LNP1: variants seen among roughly 807,000 people sequenced by gnomAD.
LNP1 encodes leukemia NUP98 fusion partner 1.
In LNP1, 12 loss-of-function variants were observed where a neutral mutation model predicts 14.5. The observed-to-expected ratio is 0.83, with a 90% confidence interval of 0.53 to 1.34. The LOEUF is 1.34. Among genes scored for constraint, LNP1 ranks in the 40% most tolerant of loss-of-function variants. The pLI is 0.00. For synonymous variants in LNP1, 75 were observed against 71.4 expected, an observed-to-expected ratio of 1.05 and a Z score of -0.26; for missense variants, 198 against 210.9, an observed-to-expected ratio of 0.94 and a Z score of 0.38.
chr3:100,409,963 C>A (rs1036149281), intron 1 of LNP1, among the ~76,000 whole-genome samples: 7 of 145,772 alleles, frequency 4.8e-5, no homozygotes, highest in African/African-American at 1.7e-4. Context: ...TTACATCTAT[C>A]TATCTATCTA....
At chr3:100,420,667 T>A (rs1707135418) in intron 1 of LNP1, among the ~76,000 whole-genome samples, 1 of 152,148 alleles carries the variant, frequency 6.6e-6, no homozygotes, top group Non-Finnish European at 1.5e-5. Context: ...ATTTGAAAGT[T>A]TTTTAAAAAA....
In LNP1 at chr3:100,455,929, C is replaced by T. The variant is rs201015821; in HGVS notation, c.*3C>T. ...TGTTTGAAAAAGGGCCTGAATAATA[C>T]TCTGCTTCTGCCTCATGACATCAGA... On this transcript the variant is annotated 3_prime_UTR_variant, in exon 4 of 4. Coordinates refer to ENST00000383693, the MANE Select transcript of LNP1 (RefSeq NM_001085451.2). The T allele has an allele frequency of 1.7e-5, 27 of 1,606,302 alleles. No homozygotes were observed. The highest frequency in any genetic ancestry group is 2.0e-5 in the Non-Finnish European group (24 of 1,178,046).
At chr3:100,449,737 A>C (rs759931924) in intron 2 of LNP1, among the ~76,000 whole-genome samples, 7 of 152,198 alleles carry the variant, frequency 4.6e-5, no homozygotes, top group Non-Finnish European at 7.3e-5. Context: ...CACATCTTGA[A>C]TGTTAGCTTT....
rs78525017 is a variant in LNP1, at chr3:100,424,461, A to C, written c.-33-5236A>C. ...AGTGGAGTTACAAAGTACACACCTA[A>C]TTCCTCCAGCAATGCTTTGTGGCCA... is the stretch of plus-strand genomic sequence containing the variant. On this transcript the variant is annotated intron_variant, in intron 1 of 3. Coordinates refer to ENST00000383693, the MANE Select transcript of LNP1 (RefSeq NM_001085451.2). 4.7e-3 allele frequency among the ~76,000 whole-genome samples: 722 copies of C among 152,286 alleles called. 5 individuals are homozygous for C. The highest frequency in any genetic ancestry group is 0.016 in the African/African-American group (647 of 41,566).
chr3:100,455,734 G>T, intron 3 of LNP1, 43 bp from the exon 4 acceptor site: 1 of 1,599,422 alleles, frequency 6.3e-7, no homozygotes, highest in South Asian at 1.1e-5. Context: ...AGTGTTGTCA[G>T]CTGCTTGTGC....
chr3:100,456,156 T>G lies in LNP1; in HGVS notation c.*230T>G, dbSNP rs1424869775. 2.4e-6 allele frequency: 1 copy of G among 418,754 alleles called. No homozygotes were observed. The highest frequency in any genetic ancestry group is 4.0e-5 in the East Asian group (1 of 25,236). 25.9% of individuals were successfully genotyped at this position (418,754 alleles called of 1,614,324 possible). A position where few individuals can be genotyped will look rare whatever the true frequency, so the allele number is the denominator to read the frequency against. On this transcript the variant is annotated 3_prime_UTR_variant, in exon 4 of 4. Transcript: ENST00000383693. The stretch of plus-strand genomic sequence containing the variant: ...ATCTTAGTTGAGAGTATAATCTGCT[T>G]GGTTGCCTTTTTATGGGAATAAAGA...
At chr3:100,420,300 G>GCCTT (rs554541539) in intron 1 of LNP1, among the ~76,000 whole-genome samples, 99 of 151,940 alleles carry the variant, frequency 6.5e-4, no homozygotes, top group African/African-American at 1.4e-3. Context: ...TTGCCTGCCT[G>GCCTT]CCTTCCTTCC....
In LNP1 at chr3:100,422,431, C is replaced by T. The variant is rs139139180; in HGVS notation, c.-33-7266C>T. On this transcript the variant is annotated intron_variant, in intron 1 of 3. Coordinates refer to ENST00000383693, the MANE Select transcript of LNP1 (RefSeq NM_001085451.2). ...ATCTCCTGACCTTGTGATCCGCCTG[C>T]CTCAGCCTCCCAAAAAGTTTTTTAC... 2.2e-3 allele frequency among the ~76,000 whole-genome samples: 337 copies of T among 152,162 alleles called. 3 individuals carry two copies. The highest frequency in any genetic ancestry group is 7.8e-3 in the African/African-American group (322 of 41,496).
intron 1 of LNP1, among the ~76,000 whole-genome samples, chr3:100,410,122 A>G (rs989535834): frequency 6.6e-6 from 1 of 152,060 alleles, no homozygotes; most frequent in Non-Finnish European, 1.5e-5. Flanking sequence ...TTAGCTTTGG[A>G]ACTGATTGAT....
intron 1 of LNP1, among the ~76,000 whole-genome samples, chr3:100,403,664 C>T (rs972436291): frequency 6.6e-6 from 1 of 152,170 alleles, no homozygotes; most frequent in Non-Finnish European, 1.5e-5. Context: ...GTCTTGAACT[C>T]CTGACCTCAG....
Position 100,409,607 on chromosome 3 carries a change from T to TATA in LNP1, c.-34+7168_-34+7169insATA, listed in dbSNP as rs199660524. Among the ~76,000 whole-genome samples the TATA allele has an allele frequency of 2.2e-3, 110 of 49,786 alleles. 1 individual carries two copies. Among genetic ancestry groups the TATA allele is most frequent in the South Asian group, 0.02 (27 of 1,376 alleles). 32.7% of individuals were successfully genotyped at this position (49,786 alleles called of 152,430 possible). ...ACACACACACATATATATATATATATTTTTTTTTTTTTTGAGTCTCACTCT... is the reference window on the plus strand; with the variant it reads ...ACACACACACATATATATATATATATATATTTTTTTTTTTTTGAGTCTCACTCT... On this transcript the variant is annotated intron_variant, in intron 1 of 3. Transcript: ENST00000383693.
chr3:100,409,227 C>T (rs1473111262), intron 1 of LNP1, among the ~76,000 whole-genome samples: 2 of 152,180 alleles, frequency 1.3e-5, no homozygotes, highest in Admixed American at 1.3e-4. Context: ...TGCCTTTGGA[C>T]TTGAACTGAA....
intron 2 of LNP1, among the ~76,000 whole-genome samples, chr3:100,435,663 G>C (rs1023588209): frequency 1.3e-5 from 2 of 152,152 alleles, no homozygotes; most frequent in African/African-American, 4.8e-5. Context: ...CAAAGGAGGA[G>C]GGGTAGGGGG....
At chr3:100,416,453 G>A (rs1175652856) in intron 1 of LNP1, among the ~76,000 whole-genome samples, 2 of 151,860 alleles carry the variant, frequency 1.3e-5, no homozygotes, top group African/African-American at 4.8e-5. Flanking sequence ...TTAATCTTTT[G>A]TTGCTGCTGC....
At chr3:100,429,281 T>A (rs1165659534) in intron 1 of LNP1, among the ~76,000 whole-genome samples, 15 of 152,184 alleles carry the variant, frequency 9.9e-5, no homozygotes, top group Non-Finnish European at 7.3e-5. Context: ...TCCTTGTATG[T>A]GGCCCCATTT....
chr3:100,436,522 C>T (rs1011579821), intron 2 of LNP1, among the ~76,000 whole-genome samples: 5 of 152,140 alleles, frequency 3.3e-5, no homozygotes, highest in Admixed American at 2.6e-4. Context: ...TGCATCTCCT[C>T]CTCCTCCTCT....
intron 2 of LNP1, 26 bp downstream of exon 2, chr3:100,429,911 G>A (rs1707227406): frequency 6.2e-7 from 1 of 1,603,358 alleles, no homozygotes; most frequent in Non-Finnish European, 8.5e-7. Context: ...GGAACCGGAG[G>A]GGAGAGCTGG....
chr3:100,438,073 A>C (rs552116839), intron 2 of LNP1, among the ~76,000 whole-genome samples: 12 of 152,304 alleles, frequency 7.9e-5, no homozygotes, highest in Middle Eastern at 3.4e-3. Flanking sequence ...CATACTGTGC[A>C]CTAGGACTCA....
At chr3:100,446,272 A>G (rs1001736581) in intron 2 of LNP1, among the ~76,000 whole-genome samples, 1 of 152,242 alleles carries the variant, frequency 6.6e-6, no homozygotes, top group Non-Finnish European at 1.5e-5. Flanking sequence ...ATGGAACAGA[A>G]CAGAGGCCTC....
Sources: allele counts gnomAD v4.1 joint callset (sites outside exome capture counted in the v4.1 genomes callset), GRCh38; gene constraint gnomAD v4.1.1; transcripts MANE v1.5; gene names NCBI Gene and HGNC (gene_info 2026-07-23, HGNC 2026-07-21).